The following EIF4B variants were observed in gnomAD, a reference collection of about 807,000 sequenced individuals.
The protein encoded by EIF4B is eukaryotic translation initiation factor 4B.
Under a neutral mutation model 79.3 loss-of-function variants are expected in EIF4B, and 8 were observed. That is an observed-to-expected ratio of 0.10 (90% CI 0.06 to 0.18). EIF4B has a LOEUF of 0.18. Ranked by LOEUF, EIF4B falls within the 10% of genes least tolerant of loss-of-function variation. The pLI is 1.00. For missense variants in EIF4B, 515 were observed against 792.4 expected (o/e 0.65, Z 4.20); for synonymous variants, 238 against 274.7 (o/e 0.87, Z 1.32).
intron 6 of EIF4B, among the ~76,000 whole-genome samples, chr12:53,024,667 GT>G (rs1166345218): frequency 1.3e-5 from 2 of 152,052 alleles, no homozygotes; most frequent in Non-Finnish European, 2.9e-5. Flanking sequence ...GTTTTGTTTT[GT>G]TTTGTTTTGA....
chr12:53,020,395 T>G (rs529746358), intron 4 of EIF4B, among the ~76,000 whole-genome samples: 1 of 152,336 alleles, frequency 6.6e-6, no homozygotes, highest in African/African-American at 2.4e-5. Flanking sequence ...CAAGTTTGTT[T>G]AGTATTAAAG....
chr12:53,025,973 C>T (rs941754755), intron 6 of EIF4B, among the ~76,000 whole-genome samples: 4 of 152,064 alleles, frequency 2.6e-5, no homozygotes, highest in African/African-American at 4.8e-5. Flanking sequence ...TAGCCGGACA[C>T]GTGTAACCTC....
rs759061266 is a variant in EIF4B, at chr12:53,030,413, C to CTTTTTTTTTT, written c.979+2241_979+2250dup. ...GAAATAGGTTTTAAAAAATTATATT[C>CTTTTTTTTTT]TTTTTTTTTTTTTTTTTTTTTTTTT... On this transcript the variant is annotated intron_variant, in intron 8 of 14. Coordinates refer to ENST00000262056, the MANE Select transcript of EIF4B (RefSeq NM_001417.7). Among the ~76,000 whole-genome samples the CTTTTTTTTTT allele has an allele frequency of 7.7e-3, 333 of 43,062 alleles. 79 individuals carry two copies. Among genetic ancestry groups the CTTTTTTTTTT allele is most frequent in the African/African-American group, 0.012 (236 of 19,170 alleles). The allele number at this position is 43,062 out of a possible 152,430, so 28.3% of individuals were successfully genotyped here. A position where few individuals can be genotyped will look rare whatever the true frequency, so the allele number is the denominator to read the frequency against.
chr12:53,023,232 G>T (rs1190153402), intron 6 of EIF4B, among the ~76,000 whole-genome samples: 2 of 151,770 alleles, frequency 1.3e-5, no homozygotes, highest in Non-Finnish European at 2.9e-5. Flanking sequence ...ATTACTTTTT[G>T]ATATATATAT....
chr12:53,019,443 T>TTTTG (rs1943207342), intron 3 of EIF4B, among the ~76,000 whole-genome samples: 1 of 94,390 alleles, frequency 1.1e-5, no homozygotes, highest in Admixed American at 1.3e-4. Flanking sequence ...ATATATTTTT[T>TTTTG]TTTTTTCTTT....
chr12:53,008,707 G>GCC (rs1478521896), intron 1 of EIF4B: 4 of 152,174 alleles, frequency 2.6e-5, no homozygotes, highest in Non-Finnish European at 5.9e-5. Context: ...GATACATTGA[G>GCC]CCAGTACACT....
intron 1 of EIF4B, among the ~76,000 whole-genome samples, chr12:53,015,708 C>T (rs868776890): frequency 2.1e-5 from 3 of 144,074 alleles, no homozygotes; most frequent in South Asian, 2.2e-4. Flanking sequence ...CCGGGTGTGG[C>T]GGTTCACACC....
At chr12:53,018,424 C>T (rs1384598442) in intron 2 of EIF4B, among the ~76,000 whole-genome samples, 3 of 152,176 alleles carry the variant, frequency 2.0e-5, no homozygotes, top group African/African-American at 7.2e-5. Flanking sequence ...CCTAGCTTTA[C>T]CGTCTGTGAC....
intron 11 of EIF4B, chr12:53,037,975 T>C (rs184704194): frequency 8.5e-5 from 25 of 293,666 alleles, no homozygotes; most frequent in Admixed American, 5.9e-4. Flanking sequence ...GCAACACTAT[T>C]AGCCTGGCGT....
At chr12:53,020,761 A>T (rs1315601234) in intron 4 of EIF4B, among the ~76,000 whole-genome samples, 1 of 152,194 alleles carries the variant, frequency 6.6e-6, no homozygotes, top group Non-Finnish European at 1.5e-5. Context: ...TACCATCATG[A>T]TAACCTGTAG....
intron 1 of EIF4B, among the ~76,000 whole-genome samples, chr12:53,010,702 A>G (rs1592212592): frequency 6.6e-6 from 1 of 152,106 alleles, no homozygotes; most frequent in Non-Finnish European, 1.5e-5. Flanking sequence ...GCTGGAGTGC[A>G]GTGGCGTGGT....
intron 1 of EIF4B, among the ~76,000 whole-genome samples, chr12:53,009,501 A>AG (rs1943026558): frequency 7.8e-6 from 1 of 128,716 alleles, no homozygotes; most frequent in South Asian, 2.7e-4. Context: ...TCTCAAAAAA[A>AG]AAAAACAAAA....
At chr12:53,024,773 A>T (rs1386149348) in intron 6 of EIF4B, among the ~76,000 whole-genome samples, 5 of 152,150 alleles carry the variant, frequency 3.3e-5, no homozygotes, top group African/African-American at 1.2e-4. Context: ...CTCATGCCTC[A>T]GCCTCCTGAG....
Position 53,016,658 on chromosome 12 carries a change from A to C in EIF4B, c.151+48A>C, listed in dbSNP as rs549967529. On this transcript the variant is annotated intron_variant, in intron 2 of 14. Coordinates refer to ENST00000262056, the MANE Select transcript of EIF4B (RefSeq NM_001417.7). ...GTTTGGAATGTTTATTATTTTCTAG[A>C]CAAAACCTATTACATAATAATTCAC... 57 of 1,526,360 alleles carry C rather than the reference A, an allele frequency of 3.7e-5. No individual in the cohort carries two copies. The Admixed American group carries it at 6.0e-4, about 16-fold the overall frequency. 94.6% of individuals were successfully genotyped at this position (1,526,360 alleles called of 1,614,324 possible).
At chr12:53,021,773 A>C (rs1018627034) in intron 4 of EIF4B, 33 bp from the exon 5 acceptor site, 1 of 1,613,976 alleles carries the variant, frequency 6.2e-7, no homozygotes, top group Non-Finnish European at 8.5e-7. Flanking sequence ...ATAATGGGGC[A>C]AAAGGTTGGT....
chr12:53,039,755 T>C (rs1943599406), intron 14 of EIF4B, 53 bp downstream of exon 14: 1 of 1,549,066 alleles, frequency 6.5e-7, no homozygotes, highest in African/African-American at 1.4e-5. Context: ...ATTCTTAGAA[T>C]TCTAAGTATT....
At chr12:53,038,999 C>A in intron 12 of EIF4B, 1 of 384,328 alleles carries the variant, frequency 2.6e-6, no homozygotes, top group Non-Finnish European at 4.7e-6. Context: ...TTCCAGCTTG[C>A]TTTTCATGAT....
intron 8 of EIF4B, among the ~76,000 whole-genome samples, chr12:53,030,410 ATTC>A (rs1943415097): frequency 5.8e-5 from 2 of 34,258 alleles, no homozygotes; most frequent in Non-Finnish European, 1.9e-4. Flanking sequence ...AAAAAATTAT[ATTC>A]TTTTTTTTTT....
In EIF4B at chr12:53,027,850, C is replaced by T. The variant is rs1943363987; in HGVS notation, c.736C>T (p.Arg246Cys). The change falls in exon 7 of 15, where the codon CGC becomes TGC. Residue 246 changes from arginine (R) to cysteine (C), a missense_variant. Transcript: ENST00000262056. ...GYRDGYRDGP[R>C]RDMDRYGGRD... ...TCGGGATGGGTATCGGGATGGCCCA[C>T]GCCGGGATATGGATCGATATGGTGG... 8 of 1,614,094 alleles carry T rather than the reference C, an allele frequency of 5.0e-6. No homozygotes were observed. The highest frequency in any genetic ancestry group is 1.3e-5 in the African/African-American group (1 of 74,950).
Sources: gnomAD v4.1 joint callset for allele counts (sites outside exome capture counted in the v4.1 genomes callset) on GRCh38, gnomAD v4.1.1 for gene constraint, MANE v1.5 for transcripts, NCBI Gene and HGNC (gene_info 2026-07-23, HGNC 2026-07-21) for gene names.